SSBP2: variants seen among roughly 807,000 people sequenced by gnomAD.
SSBP2 encodes the protein single stranded DNA binding protein 2, also known as single-stranded DNA-binding protein 2.
In SSBP2, 17 loss-of-function variants were observed where a neutral mutation model predicts 61.8. The ratio of observed to expected loss-of-function variants is 0.28; its 90% CI spans 0.19 to 0.41. The LOEUF is 0.41. SSBP2 is among the 10% of genes least tolerant of loss of function. The probability of loss-of-function intolerance (pLI) is 1.00; values close to 1 mark genes in which losing one functional copy is unlikely to be tolerated. For missense variants in SSBP2, 310 were observed against 458.7 expected (o/e 0.68, Z 2.96); for synonymous variants, 139 against 141.3 (o/e 0.98, Z 0.12).
At chr5:81,581,323 G>A (rs540910361) in intron 4 of SSBP2, among the ~76,000 whole-genome samples, 1 of 152,290 alleles carries the variant, frequency 6.6e-6, no homozygotes, top group South Asian at 2.1e-4. Context: ...GGCTTGAGCG[G>A]CATTTGGGTT....
chr5:81,504,595 C>A (rs1261175473), intron 5 of SSBP2, among the ~76,000 whole-genome samples: 1 of 152,172 alleles, frequency 6.6e-6, no homozygotes, highest in African/African-American at 2.4e-5. Context: ...TCAAATACAT[C>A]TTTTTGATGA....
At chr5:81,710,102 T>C (rs1163632266) in intron 1 of SSBP2, among the ~76,000 whole-genome samples, 1 of 152,024 alleles carries the variant, frequency 6.6e-6, no homozygotes, top group African/African-American at 2.4e-5. Flanking sequence ...GAGAGTGAAC[T>C]CTATTTTAAA....
intron 3 of SSBP2, among the ~76,000 whole-genome samples, chr5:81,630,235 T>C (rs1747572097): frequency 6.6e-6 from 1 of 152,162 alleles, no homozygotes; most frequent in African/African-American, 2.4e-5. Context: ...AAGGCAACAA[T>C]TATTAGAGTC....
intron 6 of SSBP2, among the ~76,000 whole-genome samples, chr5:81,479,264 T>C (rs901255468): frequency 2.0e-5 from 3 of 152,210 alleles, no homozygotes; most frequent in Non-Finnish European, 4.4e-5. Flanking sequence ...TTCATTTAAC[T>C]AGTCACAAAT....
At chr5:81,471,226 A>G (rs765148481) in intron 8 of SSBP2, among the ~76,000 whole-genome samples, 11 of 151,784 alleles carry the variant, frequency 7.2e-5, no homozygotes, top group Non-Finnish European at 1.6e-4. Flanking sequence ...CACATATAAT[A>G]AACTTAGCTA....
chr5:81,684,463 G>C (rs1399577101), intron 1 of SSBP2, among the ~76,000 whole-genome samples: 1 of 152,148 alleles, frequency 6.6e-6, no homozygotes, highest in African/African-American at 2.4e-5. Context: ...TGAATGGGCA[G>C]AATACAGGGT....
intron 4 of SSBP2, among the ~76,000 whole-genome samples, chr5:81,593,462 C>T (rs1021169774): frequency 5.9e-5 from 9 of 152,090 alleles, no homozygotes; most frequent in African/African-American, 2.2e-4. Context: ...CAAGGCAGGC[C>T]AACATTCAAA....
chr5:81,724,104 CATTT>C (rs368103281), intron 1 of SSBP2, among the ~76,000 whole-genome samples: 3,770 of 152,074 alleles, frequency 0.025, 166 homozygotes, highest in African/African-American at 0.086. Flanking sequence ...TGAAAGCACA[CATTT>C]ATTTTTTAAA....
intron 16 of SSBP2, among the ~76,000 whole-genome samples, chr5:81,426,486 G>A (rs918788122): frequency 6.6e-6 from 1 of 152,208 alleles, no homozygotes; most frequent in Non-Finnish European, 1.5e-5. Context: ...TAACTCTGCT[G>A]GCAGTCTAGC....
At chr5:81,442,375 T>C (rs1364910415) in intron 13 of SSBP2, among the ~76,000 whole-genome samples, 1 of 152,088 alleles carries the variant, frequency 6.6e-6, no homozygotes, top group Non-Finnish European at 1.5e-5. Context: ...CATTTTCAAA[T>C]AGTATATATC....
At chr5:81,611,274 A>T (rs1253752263) in intron 4 of SSBP2, among the ~76,000 whole-genome samples, 2 of 152,174 alleles carry the variant, frequency 1.3e-5, no homozygotes, top group African/African-American at 2.4e-5. Flanking sequence ...GAGTTTTGCT[A>T]ATGATTTTTT....
chr5:81,680,761 CAT>C (rs1254142296), intron 1 of SSBP2, among the ~76,000 whole-genome samples: 1 of 152,158 alleles, frequency 6.6e-6, no homozygotes, highest in African/African-American at 2.4e-5. Flanking sequence ...TGACAAAATA[CAT>C]GAGGTAAAAA....
At chr5:81,479,898 T>C (rs1765861692) in intron 6 of SSBP2, among the ~76,000 whole-genome samples, 1 of 152,212 alleles carries the variant, frequency 6.6e-6, no homozygotes, top group Non-Finnish European at 1.5e-5. Flanking sequence ...CCACAAAATT[T>C]GCCCATTTTC....
chr5:81,686,854 C>CAAAAAA (rs57665340), intron 1 of SSBP2, among the ~76,000 whole-genome samples: 2 of 91,048 alleles, frequency 2.2e-5, no homozygotes, highest in South Asian at 4.1e-4. Flanking sequence ...GACTTCATCT[C>CAAAAAA]AAAAAAAAAA....
At chr5:81,638,180 C>A (rs1748417636) in intron 2 of SSBP2, among the ~76,000 whole-genome samples, 1 of 151,060 alleles carries the variant, frequency 6.6e-6, no homozygotes, top group African/African-American at 2.4e-5. Context: ...GTGCAGCACA[C>A]CAGCATGGCA....
chr5:81,538,608 A>C (rs1158201630), intron 4 of SSBP2, among the ~76,000 whole-genome samples: 2 of 152,336 alleles, frequency 1.3e-5, no homozygotes, highest in Admixed American at 1.3e-4. Context: ...AAATATTCAA[A>C]GGCTGATTCT....
At position 81,739,156 on chromosome 5, in the gene SSBP2, T is replaced by TC. The variant is rs544372696; in HGVS notation, c.62+11824dup. On this transcript the variant is annotated intron_variant, in intron 1 of 16. Coordinates refer to ENST00000320672, the MANE Select transcript of SSBP2 (RefSeq NM_012446.5). ...CTCCAGCCTGGTGACAGAGTGAGACTCCATCTCCAAAAAAAAAAAAAAAAA... is the reference window on the plus strand; with the variant it reads ...CTCCAGCCTGGTGACAGAGTGAGACTCCCATCTCCAAAAAAAAAAAAAAAAA... 1.1e-3 allele frequency among the ~76,000 whole-genome samples: 95 copies of TC among 89,418 alleles called. 1 individual carries two copies. The highest frequency in any genetic ancestry group is 3.8e-3 in the African/African-American group (83 of 21,760). The allele number at this position is 89,418 out of a possible 152,430, so 58.7% of individuals were successfully genotyped here.
chr5:81,713,992 T>C (rs1309783191), intron 1 of SSBP2, among the ~76,000 whole-genome samples: 1 of 152,120 alleles, frequency 6.6e-6, no homozygotes, highest in Non-Finnish European at 1.5e-5. Context: ...CATGCCGTGG[T>C]GGTTTGCTGC....
intron 4 of SSBP2, among the ~76,000 whole-genome samples, chr5:81,567,948 A>T (rs1773561012): frequency 6.6e-6 from 1 of 152,126 alleles, no homozygotes; most frequent in Non-Finnish European, 1.5e-5. Flanking sequence ...TCTAGGAAAT[A>T]ACTAGCTTGC....
Sources: allele counts gnomAD v4.1 joint callset (sites outside exome capture counted in the v4.1 genomes callset), GRCh38; gene constraint gnomAD v4.1.1; transcripts MANE v1.5; gene names NCBI Gene and HGNC (gene_info 2026-07-23, HGNC 2026-07-21).